ARHGEF37: variants seen among roughly 807,000 people sequenced by gnomAD.
The protein encoded by ARHGEF37 is Rho guanine nucleotide exchange factor (GEF) 37.
In ARHGEF37, 55 loss-of-function variants were observed where a neutral mutation model predicts 71.1. That is an observed-to-expected ratio of 0.77 (90% CI 0.62 to 0.97). The LOEUF is 0.97. Ranked by LOEUF, ARHGEF37 falls within the 50% of genes least tolerant of loss-of-function variation. The pLI is 0.00. For synonymous variants in ARHGEF37, 327 were observed against 350.6 expected (o/e 0.93, Z 0.75); for missense variants, 765 against 836.8 (o/e 0.91, Z 1.06).
At chr5:149,625,089 G>T (rs942718446) in intron 10 of ARHGEF37, among the ~76,000 whole-genome samples, 12 of 151,752 alleles carry the variant, frequency 7.9e-5, no homozygotes, top group Non-Finnish European at 1.5e-4. Flanking sequence ...GTAGAGAGGG[G>T]GTTTCACCAT....
rs1752954162 is a variant in ARHGEF37, at chr5:149,633,667, A to T, written c.*1476A>T. ...AACTGACAAAGTTTGTAACCAACCC[A>T]AGTTAGAATGTGTGTCAAACAGGAG... On this transcript the variant is annotated 3_prime_UTR_variant, in exon 13 of 13. Transcript: ENST00000333677. The T allele has an allele frequency of 6.6e-6, 1 of 152,270 alleles. No homozygotes were observed. The highest frequency in any genetic ancestry group is 6.5e-5 in the Admixed American group (1 of 15,290). 9.4% of individuals were successfully genotyped at this position (152,270 alleles called of 1,614,324 possible). A position where few individuals can be genotyped will look rare whatever the true frequency, so the allele number is the denominator to read the frequency against.
chr5:149,599,507 G>A (rs1763691026), intron 2 of ARHGEF37, among the ~76,000 whole-genome samples: 1 of 146,152 alleles, frequency 6.8e-6, no homozygotes, highest in East Asian at 2.1e-4. Flanking sequence ...AAACTCCCAG[G>A]CTCAAGTGAT....
In ARHGEF37 at chr5:149,590,544, T is replaced by C. The variant is rs192530672; in HGVS notation, c.-11-7215T>C. On this transcript the variant is annotated intron_variant, in intron 1 of 12. Coordinates refer to ENST00000333677, the MANE Select transcript of ARHGEF37 (RefSeq NM_001001669.3). Reference sequence around the variant, plus strand: ...ATTGGCCCACCTTGGCCTCCCAAAGTGTTGGGATTACAGGTGTGAGCCACC... The same window carrying C: ...ATTGGCCCACCTTGGCCTCCCAAAGCGTTGGGATTACAGGTGTGAGCCACC... Among the ~76,000 whole-genome samples, 225 of 151,988 alleles carry C rather than the reference T, an allele frequency of 1.5e-3. 2 individuals carry two copies. The highest frequency in any genetic ancestry group is 5.1e-3 in the African/African-American group (212 of 41,490).
At chr5:149,621,253 A>C (rs1029218388) in intron 8 of ARHGEF37, among the ~76,000 whole-genome samples, 4 of 152,166 alleles carry the variant, frequency 2.6e-5, no homozygotes, top group Non-Finnish European at 5.9e-5. Context: ...GCTTGAGCCC[A>C]GTTGTTAGAG....
chr5:149,616,384 G>A (rs772176250), intron 4 of ARHGEF37, among the ~76,000 whole-genome samples, 183 bp from the exon 5 acceptor site: 1 of 152,178 alleles, frequency 6.6e-6, no homozygotes, highest in East Asian at 1.9e-4. Context: ...GCCCAGAACC[G>A]TCACTGCCTG....
At chr5:149,588,205 T>C (rs1006655133) in intron 1 of ARHGEF37, among the ~76,000 whole-genome samples, 1 of 139,718 alleles carries the variant, frequency 7.2e-6, no homozygotes, top group Non-Finnish European at 1.5e-5. Context: ...CCTTTTTGTT[T>C]GTTTGTTTGT....
rs1752990309 is a variant in ARHGEF37 at position 149,634,954 on chromosome 5, C to T, written c.*2763C>T. ...GATGTGAACTGCTGGGAATAAAGGACTTCAAAGATGGAAAGTCTCTGGAAT... is the reference window on the plus strand; with the variant it reads ...GATGTGAACTGCTGGGAATAAAGGATTTCAAAGATGGAAAGTCTCTGGAAT... On this transcript the variant is annotated 3_prime_UTR_variant, in exon 13 of 13. Transcript: ENST00000333677. 6.6e-6 allele frequency: 1 copy of T among 152,192 alleles called. No homozygotes were observed. The highest frequency in any genetic ancestry group is 1.5e-5 in the Non-Finnish European group (1 of 68,044). 9.4% of individuals were successfully genotyped at this position (152,192 alleles called of 1,614,324 possible).
In ARHGEF37 at chr5:149,616,621, G is replaced by T; in HGVS notation, c.513G>T (p.Arg171Ser). Residue 171 changes from arginine to serine, a missense_variant, in exon 5 of 13, where the codon AGG (arginine) becomes AGT (serine). Arg to Ser is a moderately radical substitution (Grantham distance 110, BLOSUM62 -1). Transcript: ENST00000333677. Reference protein sequence around the residue: ...LSFLLVIPLQRITRYPLLLQK... With the variant: ...LSFLLVIPLQSITRYPLLLQK... Reference sequence around the variant, plus strand: ...TCTTGCTGGTAATTCCTCTGCAGAGGATCACCAGGTACCCACTGCTGCTGC... The same window carrying T: ...TCTTGCTGGTAATTCCTCTGCAGAGTATCACCAGGTACCCACTGCTGCTGC... 5 of 1,612,944 alleles carry T rather than the reference G, an allele frequency of 3.1e-6. No homozygotes were observed. The highest frequency in any genetic ancestry group is 4.2e-6 in the Non-Finnish European group (5 of 1,179,762).
upstream of ARHGEF37, among the ~76,000 whole-genome samples, chr5:149,580,492 G>C (rs1428053572): frequency 6.6e-6 from 1 of 152,030 alleles, no homozygotes; most frequent in African/African-American, 2.4e-5. Flanking sequence ...TAAGCAGCCT[G>C]AACCCTCAGA....
chr5:149,570,985 C>A (rs1762956033), intron 1 of ARHGEF37, among the ~76,000 whole-genome samples: 1 of 152,078 alleles, frequency 6.6e-6, no homozygotes, highest in Admixed American at 6.5e-5. Flanking sequence ...TCTTGTTGCC[C>A]AGGCTGGAGT....
chr5:149,619,088 C>G, intron 7 of ARHGEF37, 46 bp downstream of exon 7: 1 of 1,545,068 alleles, frequency 6.5e-7, no homozygotes, highest in Non-Finnish European at 8.9e-7. Flanking sequence ...GGGCTGGGTT[C>G]CCCTGGCAGG....
At chr5:149,554,929 G>A (rs1356229542) in intron 1 of ARHGEF37, among the ~76,000 whole-genome samples, 2 of 151,978 alleles carry the variant, frequency 1.3e-5, no homozygotes, top group African/African-American at 2.4e-5. Flanking sequence ...TCAGGAGTTC[G>A]AGACCAGCTG....
intron 2 of ARHGEF37, among the ~76,000 whole-genome samples, chr5:149,599,085 C>G (rs193259298): frequency 5.3e-5 from 8 of 152,246 alleles, no homozygotes; most frequent in Non-Finnish European, 5.9e-5. Flanking sequence ...CTCAAGCTTT[C>G]CACACATCCT....
At chr5:149,571,398 T>C (rs1762963377) in intron 1 of ARHGEF37, among the ~76,000 whole-genome samples, 1 of 152,076 alleles carries the variant, frequency 6.6e-6, no homozygotes, top group Non-Finnish European at 1.5e-5. Context: ...TGGGATTACA[T>C]ACAAAAATAA....
At chr5:149,580,308 C>T (rs1021052439), upstream of ARHGEF37, among the ~76,000 whole-genome samples, 1 of 152,082 alleles carries the variant, frequency 6.6e-6, no homozygotes, top group Non-Finnish European at 1.5e-5. Context: ...ATCTGCCCCC[C>T]CCTCAGCTTC....
intron 1 of ARHGEF37, among the ~76,000 whole-genome samples, chr5:149,587,894 C>CTTTT (rs3994917): frequency 4.6e-5 from 6 of 129,164 alleles, no homozygotes; most frequent in African/African-American, 1.2e-4. Context: ...TCCCTTTAGT[C>CTTTT]TTTTTTTTTT....
At chr5:149,619,494 A>G (rs1169463969) in intron 7 of ARHGEF37, among the ~76,000 whole-genome samples, 2 of 152,224 alleles carry the variant, frequency 1.3e-5, no homozygotes, top group Non-Finnish European at 2.9e-5. Context: ...GAAGGGCTGA[A>G]TGAATGAATA....
At chr5:149,608,570 AC>A (rs1763981776) in intron 3 of ARHGEF37, among the ~76,000 whole-genome samples, 3 of 151,742 alleles carry the variant, frequency 2.0e-5, no homozygotes, top group Admixed American at 2.0e-4. Context: ...GCAGGGTTTT[AC>A]CATGTTAGCC....
intron 12 of ARHGEF37, among the ~76,000 whole-genome samples, chr5:149,629,743 C>G (rs915894521): frequency 1.3e-5 from 2 of 152,160 alleles, no homozygotes; most frequent in African/African-American, 2.4e-5. Flanking sequence ...CATGTGTATG[C>G]GTGTTCATGG....
Sources: gnomAD v4.1 joint callset for allele counts (sites outside exome capture counted in the v4.1 genomes callset) on GRCh38, gnomAD v4.1.1 for gene constraint, MANE v1.5 for transcripts, NCBI Gene and HGNC (gene_info 2026-07-23, HGNC 2026-07-21) for gene names.